The following C8orf34 variants were observed in gnomAD, a reference collection of about 807,000 sequenced individuals.
The protein encoded by C8orf34 is chromosome 8 open reading frame 34, also known as uncharacterized protein C8orf34.
A neutral mutation model predicts 68.3 loss-of-function variants in C8orf34; 65 were observed. The observed-to-expected ratio is 0.95, with a 90% confidence interval of 0.78 to 1.17. C8orf34 has a LOEUF of 1.17. Among genes scored for constraint, C8orf34 ranks in the 50% most tolerant of loss-of-function variants. The pLI is 0.00. For missense variants in C8orf34, 664 were observed against 655.4 expected (o/e 1.01, Z -0.14); for synonymous variants, 244 against 241.2 (o/e 1.01, Z -0.11).
chr8:68,613,349 T>G (rs892383811), intron 7 of C8orf34, among the ~76,000 whole-genome samples: 6 of 143,948 alleles, frequency 4.2e-5, no homozygotes, highest in African/African-American at 1.8e-4. Flanking sequence ...ATGTGCAGGT[T>G]AGTTACATAT....
chr8:68,541,384 TGAG>T (rs1256800456), intron 7 of C8orf34, among the ~76,000 whole-genome samples: 15 of 151,916 alleles, frequency 9.9e-5, no homozygotes, highest in African/African-American at 3.6e-4. Context: ...GAGGATCACT[TGAG>T]CCCAGGAGGT....
At chr8:68,620,906 A>G (rs1818370407) in intron 7 of C8orf34, among the ~76,000 whole-genome samples, 1 of 152,094 alleles carries the variant, frequency 6.6e-6, no homozygotes, top group Non-Finnish European at 1.5e-5. Context: ...GCACTCTGAA[A>G]GTATTTTAGA....
chr8:68,664,282 G>C (rs1418446252), intron 8 of C8orf34, among the ~76,000 whole-genome samples: 4 of 152,148 alleles, frequency 2.6e-5, no homozygotes, highest in Non-Finnish European at 4.4e-5. Flanking sequence ...TAAACTATAG[G>C]CTGAATTCCT....
At chr8:68,541,588 G>A (rs1271800536) in intron 7 of C8orf34, among the ~76,000 whole-genome samples, 1 of 152,146 alleles carries the variant, frequency 6.6e-6, no homozygotes, top group Admixed American at 6.5e-5. Flanking sequence ...TATAAAGTAA[G>A]ACCATAGAAG....
intron 10 of C8orf34, among the ~76,000 whole-genome samples, chr8:68,723,406 T>C (rs1023601569): frequency 6.6e-6 from 1 of 152,168 alleles, no homozygotes; most frequent in Non-Finnish European, 1.5e-5. Context: ...ATATCCTTGT[T>C]TGCCAAGTCC....
intron 6 of C8orf34, among the ~76,000 whole-genome samples, chr8:68,528,671 C>G (rs553658864): frequency 6.6e-6 from 1 of 152,226 alleles, no homozygotes; most frequent in Non-Finnish European, 1.5e-5. Flanking sequence ...CAGGGGCACA[C>G]TGGTGCTACC....
intron 9 of C8orf34, among the ~76,000 whole-genome samples, chr8:68,717,943 C>A (rs569989319): frequency 6.0e-4 from 92 of 152,240 alleles, no homozygotes; most frequent in Admixed American, 5.0e-3. Context: ...AACATGGAAG[C>A]CCCAGGCTGG....
chr8:68,590,200 G>T (rs553477001), intron 7 of C8orf34, among the ~76,000 whole-genome samples: 65 of 145,534 alleles, frequency 4.5e-4, no homozygotes, highest in African/African-American at 1.6e-3. Flanking sequence ...AGAGAGAAAG[G>T]GGGAGGGAGG....
intron 1 of C8orf34, among the ~76,000 whole-genome samples, chr8:68,358,847 G>A (rs369556045): frequency 6.6e-5 from 10 of 151,816 alleles, no homozygotes; most frequent in Admixed American, 3.3e-4. Flanking sequence ...ACAGGTGTGC[G>A]CCACCACATC....
At chr8:68,522,818 G>T (rs1326549093) in intron 6 of C8orf34, among the ~76,000 whole-genome samples, 3 of 152,168 alleles carry the variant, frequency 2.0e-5, no homozygotes, top group African/African-American at 7.2e-5. Flanking sequence ...AATGTGACAG[G>T]AGTTTAAGCT....
chr8:68,464,575 C>T (rs1212897502), intron 3 of C8orf34, among the ~76,000 whole-genome samples: 1 of 152,134 alleles, frequency 6.6e-6, no homozygotes, highest in Non-Finnish European at 1.5e-5. Context: ...GTAACCAAAA[C>T]AGCATGGTAC....
chr8:68,728,902 A>G (rs955482392), intron 10 of C8orf34, among the ~76,000 whole-genome samples: 1 of 152,182 alleles, frequency 6.6e-6, no homozygotes, highest in African/African-American at 2.4e-5. Flanking sequence ...GATTCTTTCT[A>G]CTTCTACTCA....
At chr8:68,610,232 C>T (rs969651852) in intron 7 of C8orf34, among the ~76,000 whole-genome samples, 4 of 152,028 alleles carry the variant, frequency 2.6e-5, no homozygotes, top group South Asian at 2.1e-4. Context: ...TCTGGAAGAG[C>T]GGATGCATGA....
At chr8:68,683,551 A>G (rs1346736116) in intron 8 of C8orf34, among the ~76,000 whole-genome samples, 1 of 152,100 alleles carries the variant, frequency 6.6e-6, no homozygotes, top group Admixed American at 6.6e-5. Context: ...AAAGAAACAA[A>G]TAACTGTGAT....
At chr8:68,641,201 T>A (rs1818998683) in intron 8 of C8orf34, among the ~76,000 whole-genome samples, 2 of 152,252 alleles carry the variant, frequency 1.3e-5, no homozygotes, top group South Asian at 4.1e-4. Flanking sequence ...ATGTACTGGC[T>A]GGCCAATTTT....
chr8:68,336,113 A>G (rs1805837677), intron 1 of C8orf34, among the ~76,000 whole-genome samples: 1 of 152,152 alleles, frequency 6.6e-6, no homozygotes, highest in East Asian at 1.9e-4. Context: ...ATAGTATTTT[A>G]ATATTTGTGG....
At chr8:68,378,388 C>T (rs915881625) in intron 1 of C8orf34, among the ~76,000 whole-genome samples, 1 of 152,048 alleles carries the variant, frequency 6.6e-6, no homozygotes, top group African/African-American at 2.4e-5. Flanking sequence ...AATCTAGGCT[C>T]ATTGCAGCCT....
chr8:68,680,646 A>C (rs1362888697), intron 8 of C8orf34, among the ~76,000 whole-genome samples: 2 of 152,192 alleles, frequency 1.3e-5, no homozygotes, highest in Non-Finnish European at 2.9e-5. Context: ...AACAGGACAA[A>C]GGGAAAAAGC....
intron 10 of C8orf34, among the ~76,000 whole-genome samples, chr8:68,758,294 C>T (rs769622872): frequency 6.6e-6 from 1 of 152,182 alleles, no homozygotes; most frequent in Non-Finnish European, 1.5e-5. Context: ...GTAACTTCTC[C>T]TCATCTCATG....
Sources: gnomAD v4.1 joint callset for allele counts (sites outside exome capture counted in the v4.1 genomes callset) on GRCh38, gnomAD v4.1.1 for gene constraint, MANE v1.5 for transcripts, NCBI Gene and HGNC (gene_info 2026-07-23, HGNC 2026-07-21) for gene names.